TUSC3: variants seen among roughly 807,000 people sequenced by gnomAD.
TUSC3 encodes the protein dolichyl-diphosphooligosaccharide--protein glycosyltransferase subunit TUSC3.
A neutral mutation model predicts 44.8 loss-of-function variants in TUSC3; 45 were observed. That is an observed-to-expected ratio of 1.00 (90% CI 0.79 to 1.29). TUSC3 has a LOEUF of 1.29. TUSC3 is among the 50% of genes most tolerant of loss of function. The pLI, the probability that TUSC3 is intolerant of heterozygous loss-of-function variation, is 0.00. For missense variants in TUSC3, 519 were observed against 437.9 expected (o/e 1.19, Z -1.65); for synonymous variants, 212 against 152.9 (o/e 1.39, Z -2.85).
chr8:15,597,658 A>G (rs79410968), intron 1 of TUSC3, among the ~76,000 whole-genome samples: 65 of 152,230 alleles, frequency 4.3e-4, no homozygotes, highest in African/African-American at 1.5e-3. Flanking sequence ...ATACACATTG[A>G]TATTAGATTG....
chr8:15,829,645 T>A, the TUSC3 span, among the ~76,000 whole-genome samples: 1 of 152,104 alleles, frequency 6.6e-6, no homozygotes, highest in Admixed American at 6.6e-5. Flanking sequence ...TCTTTTATAC[T>A]CCTGAGTTTT....
rs572205271 is a variant in TUSC3, at chr8:15,515,485, T to C, written n.189+32002T>C. Among the ~76,000 whole-genome samples, 10 of 152,294 alleles carry C rather than the reference T, an allele frequency of 6.6e-5. No individual in the cohort carries two copies. In the East Asian group the frequency reaches 1.2e-3, roughly 18 times the overall value. On this transcript the variant is annotated intron_variant and non_coding_transcript_variant, in intron 2 of 5. Coordinates refer to the TUSC3 transcript ENST00000503191. ...CAGTCATTCAGCATCTTTCTGACTC[T>C]AGCAAATGACTGACGGTAGCAAATT... is the stretch of plus-strand genomic sequence containing the variant.
chr8:15,429,940 G>T (rs1242895307), intron 1 of TUSC3, among the ~76,000 whole-genome samples: 2 of 151,568 alleles, frequency 1.3e-5, no homozygotes, highest in African/African-American at 4.9e-5. Flanking sequence ...GGAAGAAGTT[G>T]AATCTCTGAA....
At chr8:15,831,988 T>C in the TUSC3 span, among the ~76,000 whole-genome samples, 2 of 152,066 alleles carry the variant, frequency 1.3e-5, no homozygotes, top group African/African-American at 4.8e-5. Context: ...AGACACATAG[T>C]CATCAGATTC....
chr8:15,611,826 T>C (rs1016210396), intron 1 of TUSC3, among the ~76,000 whole-genome samples: 2 of 152,214 alleles, frequency 1.3e-5, no homozygotes, highest in Non-Finnish European at 2.9e-5. Flanking sequence ...TTTTTAAATC[T>C]GTTAAGTATG....
At chr8:15,745,731 C>T (rs999206585) in intron 8 of TUSC3, among the ~76,000 whole-genome samples, 1 of 151,396 alleles carries the variant, frequency 6.6e-6, no homozygotes, top group Non-Finnish European at 1.5e-5. Flanking sequence ...AATTTTCTCC[C>T]ATTCTGTAGG....
chr8:15,627,534 G>A (rs573737671), intron 2 of TUSC3, among the ~76,000 whole-genome samples: 4 of 152,374 alleles, frequency 2.6e-5, no homozygotes, highest in African/African-American at 9.6e-5. Context: ...CGCTTGCCAT[G>A]TTGTGGATGA....
At chr8:15,435,155 T>G (rs28689788) in intron 1 of TUSC3, among the ~76,000 whole-genome samples, 32,368 of 143,246 alleles carry the variant, frequency 0.23, 4,325 homozygotes, top group African/African-American at 0.34. Flanking sequence ...CCCACCAACA[T>G]TGTAAAAGTG....
chr8:15,522,555 T>TC (rs1563273281), intron 2 of TUSC3, among the ~76,000 whole-genome samples: 1 of 151,602 alleles, frequency 6.6e-6, no homozygotes, highest in Non-Finnish European at 1.5e-5. Context: ...TTTTTTTTTT[T>TC]CACCTTGAGA....
intron 2 of TUSC3, among the ~76,000 whole-genome samples, chr8:15,493,499 G>T (rs1800837976): frequency 6.6e-6 from 1 of 152,110 alleles, no homozygotes; most frequent in Non-Finnish European, 1.5e-5. Context: ...CTGGCCTTAA[G>T]CGATCCTCCC....
intron 5 of TUSC3, among the ~76,000 whole-genome samples, chr8:15,672,720 C>A (rs1294665025): frequency 6.6e-6 from 1 of 152,038 alleles, no homozygotes; most frequent in Non-Finnish European, 1.5e-5. Context: ...CTTAGATTCT[C>A]TCTAATTTCT....
the TUSC3 span, among the ~76,000 whole-genome samples, chr8:15,824,546 G>A: frequency 6.6e-6 from 1 of 151,678 alleles, no homozygotes; most frequent in African/African-American, 2.4e-5. Context: ...CTCATAGGTG[G>A]GAACTGAACA....
At chr8:15,775,645 T>TTTAC in the TUSC3 span, among the ~76,000 whole-genome samples, 3 of 134,494 alleles carry the variant, frequency 2.2e-5, no homozygotes, top group Non-Finnish European at 4.8e-5. Context: ...TATATATATA[T>TTTAC]ATATACACAC....
chr8:15,713,925 T>C (rs888370148), intron 6 of TUSC3, among the ~76,000 whole-genome samples: 1 of 152,196 alleles, frequency 6.6e-6, no homozygotes, highest in Non-Finnish European at 1.5e-5. Context: ...ATTGGTCACT[T>C]ATTCACAACC....
At chr8:15,464,908 G>A (rs971980852) in intron 1 of TUSC3, among the ~76,000 whole-genome samples, 1 of 152,074 alleles carries the variant, frequency 6.6e-6, no homozygotes, top group African/African-American at 2.4e-5. Flanking sequence ...GGAGTGCAAT[G>A]GTGTGATCTT....
intron 1 of TUSC3, among the ~76,000 whole-genome samples, chr8:15,616,699 C>T (rs535206581): frequency 4.6e-5 from 7 of 152,162 alleles, no homozygotes; most frequent in East Asian, 3.9e-4. Flanking sequence ...AAGGAGAGAG[C>T]GCTACAACAG....
At chr8:15,761,262 C>A (rs1812157244) in intron 10 of TUSC3, among the ~76,000 whole-genome samples, 1 of 152,136 alleles carries the variant, frequency 6.6e-6, no homozygotes, top group East Asian at 1.9e-4. Context: ...GGTTTTCTAC[C>A]ATGAGGGAGT....
chr8:15,581,372 C>G (rs2129146694), intron 1 of TUSC3, among the ~76,000 whole-genome samples: 1 of 150,140 alleles, frequency 6.7e-6, no homozygotes, highest in Non-Finnish European at 1.5e-5. Context: ...GAACTGCGTT[C>G]CTTTGGAGGA....
the TUSC3 span, among the ~76,000 whole-genome samples, chr8:15,799,685 T>A: frequency 6.6e-6 from 1 of 152,208 alleles, no homozygotes; most frequent in Admixed American, 6.5e-5. Context: ...CATAAAGTCC[T>A]CATTCTTTCT....
Sources: gnomAD v4.1 joint callset for allele counts (sites outside exome capture counted in the v4.1 genomes callset) on GRCh38, gnomAD v4.1.1 for gene constraint, MANE v1.5 for transcripts, NCBI Gene and HGNC (gene_info 2026-07-23, HGNC 2026-07-21) for gene names.